NTAN1: variants seen among roughly 807,000 people sequenced by gnomAD.
The protein encoded by NTAN1 is N-terminal asparagine amidase.
Under a neutral mutation model 41.9 loss-of-function variants are expected in NTAN1, and 32 were observed. The observed-to-expected ratio is 0.76, with a 90% CI of 0.58 to 1.03. NTAN1 has a LOEUF of 1.03. NTAN1 is among the 50% of genes least tolerant of loss of function. NTAN1 has a pLI of 0.00. For missense variants in NTAN1, 377 were observed against 377.5 expected, an observed-to-expected ratio of 1.00 and a Z score of 0.01; for synonymous variants, 140 against 139.5, an observed-to-expected ratio of 1.00 and a Z score of -0.03.
At chr16:15,040,163 AG>A in intron 7 of NTAN1, 97 bp from the exon 8 acceptor site, 1 of 676,132 alleles carries the variant, frequency 1.5e-6, no homozygotes, top group Non-Finnish European at 2.6e-6. Flanking sequence ...AGAGAAAGAT[AG>A]GAAAGTGAAC....
At chr16:15,050,101 G>C (rs529503982) in intron 1 of NTAN1, among the ~76,000 whole-genome samples, 2 of 152,160 alleles carry the variant, frequency 1.3e-5, no homozygotes, top group Non-Finnish European at 2.9e-5. Context: ...AAATGGATAA[G>C]GCAAATTTAC....
chr16:15,050,064 C>A (rs1010367180), intron 1 of NTAN1, among the ~76,000 whole-genome samples: 4 of 152,112 alleles, frequency 2.6e-5, no homozygotes, highest in Non-Finnish European at 5.9e-5. Context: ...TGTTCTATCA[C>A]ATAGTTATTG....
At position 15,038,515 on chromosome 16, in the gene NTAN1, TACAGA is replaced by T; in HGVS notation, c.753+54_753+58del. On this transcript the variant is annotated intron_variant, in intron 9 of 9. Coordinates refer to ENST00000287706, the MANE Select transcript of NTAN1 (RefSeq NM_173474.4). ...GACCTGGTCTAAACCCTTTTTTTCT[TACAGA>T]TGGGGAAACCAGGGTGCAGAGATTT... The T allele has an allele frequency of 7.1e-6, 7 of 992,478 alleles. No homozygotes were observed. The Admixed American group carries it at 8.5e-5, about 12-fold the overall frequency. The allele number at this position is 992,478 out of a possible 1,614,324, so 61.5% of individuals were successfully genotyped here.
At chr16:15,043,740 G>A (rs1374656934) in intron 5 of NTAN1, among the ~76,000 whole-genome samples, 2 of 152,152 alleles carry the variant, frequency 1.3e-5, no homozygotes, top group Non-Finnish European at 2.9e-5. Context: ...ACCAGGTCGG[G>A]AGTTCACAAC....
rs979562568 is a variant in NTAN1 at position 15,055,956 on chromosome 16, C to G, written c.16G>C (p.Glu6Gln). The stretch of plus-strand genomic sequence containing the variant: ...TGCGGCAGCCGCACTCGCCGCCCCT[C>G]GACGAGCAGCGGCATCGCGGAGGCG... MPLLV[E>Q]GRRVRLPQSA... The change falls in exon 1 of 10, where the codon GAG becomes CAG. Residue 6 changes from glutamate (E) to glutamine (Q), a missense_variant. Coordinates refer to ENST00000287706, the MANE Select transcript of NTAN1 (RefSeq NM_173474.4). 2 of 1,228,446 alleles carry G rather than the reference C, an allele frequency of 1.6e-6. No homozygotes were observed. Among genetic ancestry groups the G allele is most frequent in the Non-Finnish European group, 2.0e-6 (2 of 985,146 alleles). The allele number at this position is 1,228,446 out of a possible 1,614,324, so 76.1% of individuals were successfully genotyped here. A position where few individuals can be genotyped will look rare whatever the true frequency, so the allele number is the denominator to read the frequency against.
At chr16:15,042,506 G>C (rs1039124312) in intron 5 of NTAN1, among the ~76,000 whole-genome samples, 1 of 151,984 alleles carries the variant, frequency 6.6e-6, no homozygotes. Flanking sequence ...TTTATATCCT[G>C]ATTTGCTTGT....
chr16:15,039,893 A>T, intron 8 of NTAN1, 76 bp downstream of exon 8: 4 of 812,216 alleles, frequency 4.9e-6, no homozygotes, highest in Non-Finnish European at 8.2e-6. Context: ...CTTTTCTAAG[A>T]TCCCAAAAAC....
rs773953355 is a variant in NTAN1, at chr16:15,038,188, G to A, written c.776C>T (p.Ala259Val). Residue 259 changes from alanine to valine, a missense_variant, in exon 10 of 10, where the codon GCT (alanine) becomes GTT (valine). Coordinates refer to ENST00000287706, the MANE Select transcript of NTAN1 (RefSeq NM_173474.4). ...ILENLSTSPL[A>V]EPPHFVEHIR... ...ATGTTCAACAAAGTGGGGTGGCTCA[G>A]CCAGAGGCGAAGTGGAAAGATTCTG... 8.1e-6 allele frequency: 13 copies of A among 1,612,762 alleles called. No homozygotes were observed. Among genetic ancestry groups the A allele is most frequent in the African/African-American group, 1.3e-5 (1 of 74,898 alleles).
Position 15,044,425 on chromosome 16 carries a change from C to A in NTAN1, c.360-18G>T, listed in dbSNP as rs551229558. The A allele has an allele frequency of 2.5e-6, 4 of 1,588,760 alleles. No individual in the cohort carries two copies. Among genetic ancestry groups the A allele is most frequent in the Non-Finnish European group, 3.5e-6 (4 of 1,157,072 alleles). On this transcript the variant is annotated intron_variant, in intron 4 of 9. Transcript: ENST00000287706. ...CTTCCAGCCTGGCAAAGAGATGAGA[C>A]GGGTCAGAGGCCAGAAGAAGACACC...
rs1051457116 is a variant in NTAN1, at chr16:15,046,671, G to A, written c.359+771C>T. The stretch of plus-strand genomic sequence containing the variant: ...GCCCAAGAGTTTAAGACCGGCCTGG[G>A]CAACTTGGCAAAACCCTGTCTCTAC... On this transcript the variant is annotated intron_variant, in intron 4 of 9. Coordinates refer to ENST00000287706, the MANE Select transcript of NTAN1 (RefSeq NM_173474.4). Among the ~76,000 whole-genome samples the A allele has an allele frequency of 4.2e-5, 6 of 143,202 alleles. No homozygotes were observed. In the South Asian group the frequency reaches 1.3e-3, roughly 31 times the overall value. 93.9% of individuals were successfully genotyped at this position (143,202 alleles called of 152,430 possible). A position where few individuals can be genotyped will look rare whatever the true frequency, so the allele number is the denominator to read the frequency against.
chr16:15,042,568 C>T (rs1293399697), intron 5 of NTAN1, among the ~76,000 whole-genome samples: 3 of 152,034 alleles, frequency 2.0e-5, no homozygotes, highest in South Asian at 4.1e-4. Context: ...TATTTTTTAG[C>T]GACTACATAA....
chr16:15,055,764 GA>G (rs2044485415), intron 1 of NTAN1, 126 bp downstream of exon 1: 1 of 471,122 alleles, frequency 2.1e-6, no homozygotes, highest in Admixed American at 4.6e-5. Flanking sequence ...GACGCGAGCC[GA>G]CGGCCGGGGC....
Position 15,040,229 on chromosome 16 carries a change from C to A in NTAN1, c.542-163G>T, listed in dbSNP as rs1567754738. ...CCTCCCTGGAGGGGGAAAATGCAAC[C>A]TTTACCCCAAGCATCTCGGTGAAAA... On this transcript the variant is annotated intron_variant, in intron 7 of 9. Transcript: ENST00000287706. 6.7e-6 allele frequency: 3 copies of A among 445,122 alleles called. No individual in the cohort carries two copies. In the Admixed American group the frequency reaches 1.3e-4, roughly 19 times the overall value. The allele number at this position is 445,122 out of a possible 1,614,324, so 27.6% of individuals were successfully genotyped here. A position where few individuals can be genotyped will look rare whatever the true frequency, so the allele number is the denominator to read the frequency against.
At chr16:15,049,083 G>A (rs1021384973) in intron 1 of NTAN1, among the ~76,000 whole-genome samples, 1 of 146,734 alleles carries the variant, frequency 6.8e-6, no homozygotes, top group Non-Finnish European at 1.5e-5. Context: ...TTGTAGCGAC[G>A]GGGTCTCCCT....
chr16:15,047,296 C>G, intron 4 of NTAN1, 146 bp downstream of exon 4: 2 of 640,718 alleles, frequency 3.1e-6, no homozygotes, highest in Non-Finnish European at 5.7e-6. Flanking sequence ...ACGCAGTGCC[C>G]ACGTCGTGCC....
chr16:15,046,786 A>C (rs1265715553), intron 4 of NTAN1, among the ~76,000 whole-genome samples: 1 of 151,562 alleles, frequency 6.6e-6, no homozygotes. Flanking sequence ...GAGGTCGGAG[A>C]ATCACCTGAG....
At chr16:15,052,471 T>G (rs1318083244) in intron 1 of NTAN1, among the ~76,000 whole-genome samples, 1 of 152,158 alleles carries the variant, frequency 6.6e-6, no homozygotes, top group Non-Finnish European at 1.5e-5. Context: ...GTCCTGTTTA[T>G]CAATTCTTCC....
In NTAN1 at chr16:15,038,313, TA is replaced by T. The variant is rs2043632246; in HGVS notation, c.754-104del. ...TGTTCTTGGACACAAATATATATAA[TA>T]AAATACGTTAAGAAATGAGGTGGCC... On this transcript the variant is annotated intron_variant, in intron 9 of 9. Transcript: ENST00000287706. 3.7e-6 allele frequency: 3 copies of T among 817,042 alleles called. No homozygotes were observed. The Admixed American group carries it at 8.9e-5, about 24-fold the overall frequency. 50.6% of individuals were successfully genotyped at this position (817,042 alleles called of 1,614,324 possible).
At chr16:15,041,700 G>C in intron 5 of NTAN1, 24 bp from the exon 6 acceptor site, 5 of 1,582,500 alleles carry the variant, frequency 3.2e-6, no homozygotes, top group Non-Finnish European at 4.3e-6. Flanking sequence ...TTTAAGACCA[G>C]AAGTCAGAAA....
Sources: allele counts gnomAD v4.1 joint callset (sites outside exome capture counted in the v4.1 genomes callset), GRCh38; gene constraint gnomAD v4.1.1; transcripts MANE v1.5; gene names NCBI Gene and HGNC (gene_info 2026-07-23, HGNC 2026-07-21).